Variants in CNTN4 observed in about 807,000 individuals in gnomAD.
CNTN4 encodes the protein contactin-4.
In CNTN4, 77 loss-of-function variants were observed where a neutral mutation model predicts 122.5. The observed-to-expected ratio is 0.63, with a 90% CI of 0.52 to 0.76. The LOEUF (loss-of-function observed/expected upper bound fraction) is 0.76. CNTN4 is among the 30% of genes least tolerant of loss of function. The pLI is 0.00. For synonymous variants in CNTN4, 512 were observed against 447.0 expected (o/e 1.15, Z -1.83); for missense variants, 1,256 against 1,259.1 (o/e 1.00, Z 0.04).
At chr3:2,998,334 A>G (rs1695721689) in intron 14 of CNTN4, among the ~76,000 whole-genome samples, 1 of 152,228 alleles carries the variant, frequency 6.6e-6, no homozygotes, top group Non-Finnish European at 1.5e-5. Flanking sequence ...TGTGAGCCGT[A>G]GACCACAAGC....
intron 2 of CNTN4, among the ~76,000 whole-genome samples, chr3:2,318,876 C>G (rs2043195185): frequency 6.6e-6 from 1 of 152,282 alleles, no homozygotes; most frequent in East Asian, 1.9e-4. Flanking sequence ...TGTCTAAGCT[C>G]AAGCAGTCCT....
rs9857176 is a variant in CNTN4, at chr3:2,281,817, G to C, written c.-144-57361G>C. 2.3e-3 allele frequency among the ~76,000 whole-genome samples: 355 copies of C among 151,964 alleles called. 2 individuals are homozygous for C. The highest frequency in any genetic ancestry group is 8.3e-3 in the African/African-American group (345 of 41,442). On this transcript the variant is annotated intron_variant, in intron 2 of 24. Transcript: ENST00000418658. Reference sequence around the variant, plus strand: ...TCTGCTCGTCTAGCATCATCTTGCTGTATGGAGATAAAGAGCAGTTAATTT... The same window carrying C: ...TCTGCTCGTCTAGCATCATCTTGCTCTATGGAGATAAAGAGCAGTTAATTT...
At chr3:2,277,144 G>T (rs1269532714) in intron 2 of CNTN4, among the ~76,000 whole-genome samples, 5 of 152,106 alleles carry the variant, frequency 3.3e-5, no homozygotes, top group Non-Finnish European at 7.3e-5. Flanking sequence ...TTTTCACCAG[G>T]TGAATTTTAA....
chr3:2,764,631 C>T (rs989525451), intron 6 of CNTN4, among the ~76,000 whole-genome samples: 1 of 152,174 alleles, frequency 6.6e-6, no homozygotes, highest in Admixed American at 6.5e-5. Flanking sequence ...TAGGAAAATT[C>T]TCATATGGTC....
chr3:2,856,617 C>T (rs566704483), intron 7 of CNTN4, among the ~76,000 whole-genome samples: 40 of 152,350 alleles, frequency 2.6e-4, no homozygotes, highest in Admixed American at 1.2e-3. Context: ...TGGACGGGCA[C>T]AGCCCTCCCA....
At chr3:2,102,953 G>A (rs1174821917) in intron 2 of CNTN4, among the ~76,000 whole-genome samples, 1 of 150,552 alleles carries the variant, frequency 6.6e-6, no homozygotes, top group Non-Finnish European at 1.5e-5. Context: ...AAACTGGAAT[G>A]GATACAATAA....
intron 3 of CNTN4, among the ~76,000 whole-genome samples, chr3:2,429,381 A>C (rs1404943308): frequency 6.6e-6 from 1 of 152,212 alleles, no homozygotes; most frequent in African/African-American, 2.4e-5. Flanking sequence ...TCAGCAGCAG[A>C]GGCTGCGGAA....
At chr3:2,857,658 G>A (rs550830293) in intron 7 of CNTN4, among the ~76,000 whole-genome samples, 3 of 152,126 alleles carry the variant, frequency 2.0e-5, no homozygotes, top group South Asian at 2.1e-4. Context: ...GTTCACTGCC[G>A]CCTTGACCTC....
chr3:2,329,146 C>A (rs955859685), intron 2 of CNTN4, among the ~76,000 whole-genome samples: 1 of 152,078 alleles, frequency 6.6e-6, no homozygotes, highest in Non-Finnish European at 1.5e-5. Context: ...AAATACACAT[C>A]AACTTAAACT....
At chr3:2,192,038 C>G (rs9310656) in intron 2 of CNTN4, among the ~76,000 whole-genome samples, 108,535 of 150,854 alleles carry the variant, frequency 0.72, 39,606 homozygotes, top group South Asian at 0.83. Context: ...CTTCATCCAT[C>G]TCCCTACAAA....
intron 3 of CNTN4, among the ~76,000 whole-genome samples, chr3:2,349,937 A>G (rs762266925): frequency 7.2e-5 from 11 of 152,178 alleles, no homozygotes; most frequent in Admixed American, 3.3e-4. Context: ...GAAATAGCAT[A>G]CAACAGGATG....
At chr3:2,883,780 T>C (rs781403904) in intron 9 of CNTN4, among the ~76,000 whole-genome samples, 2 of 152,218 alleles carry the variant, frequency 1.3e-5, no homozygotes, top group Non-Finnish European at 2.9e-5. Context: ...TGTCCAAATA[T>C]TGTTTACAAC....
At chr3:3,000,464 G>A (rs774847344) in intron 14 of CNTN4, among the ~76,000 whole-genome samples, 4 of 152,196 alleles carry the variant, frequency 2.6e-5, no homozygotes, top group Admixed American at 6.5e-5. Context: ...ACATCAGAGG[G>A]CAGTACCATA....
At chr3:2,135,372 G>C (rs960194477) in intron 2 of CNTN4, among the ~76,000 whole-genome samples, 3 of 152,144 alleles carry the variant, frequency 2.0e-5, no homozygotes, top group African/African-American at 4.8e-5. Context: ...GTCTGAAAAA[G>C]GTAGGGCCAA....
chr3:2,764,263 G>T (rs11129289), intron 6 of CNTN4, among the ~76,000 whole-genome samples: 98,991 of 152,034 alleles, frequency 0.65, 34,239 homozygotes, highest in Non-Finnish European at 0.78. Flanking sequence ...TAAGAAAATG[G>T]TAGTGGTTCT....
intron 14 of CNTN4, among the ~76,000 whole-genome samples, chr3:3,018,616 G>GTTGA (rs2125573244): frequency 6.6e-6 from 1 of 152,320 alleles, no homozygotes; most frequent in Admixed American, 6.5e-5. Flanking sequence ...CAAAATGTAA[G>GTTGA]TTGATTAAGC....
At chr3:2,434,302 T>G (rs566362662) in intron 3 of CNTN4, among the ~76,000 whole-genome samples, 32 of 152,126 alleles carry the variant, frequency 2.1e-4, no homozygotes, top group African/African-American at 7.0e-4. Flanking sequence ...CAAATAAAAT[T>G]TAAAAGAATT....
intron 3 of CNTN4, among the ~76,000 whole-genome samples, chr3:2,492,578 C>T (rs987552090): frequency 2.6e-5 from 4 of 152,124 alleles, no homozygotes; most frequent in Non-Finnish European, 2.9e-5. Flanking sequence ...TTTACAGATA[C>T]GTAGGTGACC....
intron 2 of CNTN4, among the ~76,000 whole-genome samples, chr3:2,290,488 A>AT (rs1423356794): frequency 2.6e-5 from 4 of 152,172 alleles, no homozygotes; most frequent in African/African-American, 7.2e-5. Context: ...ATCATTAACG[A>AT]TGATGGTGAA....
Sources: allele counts gnomAD v4.1 joint callset (sites outside exome capture counted in the v4.1 genomes callset), GRCh38; gene constraint gnomAD v4.1.1; transcripts MANE v1.5; gene names NCBI Gene and HGNC (gene_info 2026-07-23, HGNC 2026-07-21).